The following UBE2F variants were observed in gnomAD, a reference collection of about 807,000 sequenced individuals.
The protein encoded by UBE2F is NEDD8-conjugating enzyme UBE2F.
UBE2F carries 5 observed loss-of-function variants against 29.6 expected under a neutral mutation model. The observed-to-expected ratio is 0.17, with a 90% CI of 0.09 to 0.36. The LOEUF is 0.36. Ranked by LOEUF, UBE2F falls within the 10% of genes least tolerant of loss-of-function variation. The pLI is 1.00. For synonymous variants in UBE2F, 66 were observed against 81.8 expected (o/e 0.81, Z 1.04); for missense variants, 141 against 228.5 (o/e 0.62, Z 2.47).
Position 237,967,743 on chromosome 2 carries a change from A to G in UBE2F, c.-17+611A>G, listed in dbSNP as rs1334033188. Among the ~76,000 whole-genome samples the G allele has an allele frequency of 6.6e-6, 1 of 152,126 alleles. No homozygotes were observed. Among genetic ancestry groups the G allele is most frequent in the African/African-American group, 2.4e-5 (1 of 41,416 alleles). On this transcript the variant is annotated intron_variant, in intron 1 of 9. Coordinates refer to ENST00000272930, the MANE Select transcript of UBE2F (RefSeq NM_080678.3). The surrounding 1 kb of genome is among the most constrained non-coding windows in gnomAD (Gnocchi z 6.3). ...GGGGGCGGCCAGGCTAGTTTGGAAA[A>G]TTTTTACCACAGCAAAGGAGACGAG...
chr2:238,014,074 G>C (rs2064100260), intron 4 of UBE2F, among the ~76,000 whole-genome samples: 1 of 152,170 alleles, frequency 6.6e-6, no homozygotes, highest in Non-Finnish European at 1.5e-5. Context: ...CCTTGGGCCA[G>C]GTACTCCCAG....
At position 238,035,935 on chromosome 2, in the gene UBE2F, G is replaced by A. The variant is rs2064698152; in HGVS notation, c.502G>A (p.Asp168Asn). 1.2e-6 allele frequency: 2 copies of A among 1,613,364 alleles called. No homozygotes were observed. Among genetic ancestry groups the A allele is most frequent in the Non-Finnish European group, 1.7e-6 (2 of 1,179,770 alleles). The change falls in exon 9 of 10, where the codon GAC (aspartate) becomes AAC (asparagine). Residue 168 changes from aspartate (D) to asparagine (N), a missense_variant. Asp to Asn is a conservative substitution (Grantham distance 23). Coordinates refer to ENST00000272930, the MANE Select transcript of UBE2F (RefSeq NM_080678.3). ...NIEAAEHHLR[D>N]KEDFRNKVDD... The stretch of plus-strand genomic sequence containing the variant: ...TGAAGCTGCAGAACATCATTTGCGG[G>A]ACAAGGTGAGCCAGTAACAGGCTTA...
Position 238,022,175 on chromosome 2 carries a change from C to CTTTTTTTTTTTTTTT in UBE2F, c.283-3156_283-3155insTTTTTTTTTTTTTTT, listed in dbSNP as rs1162304454. Among the ~76,000 whole-genome samples, 147 of 63,284 alleles carry CTTTTTTTTTTTTTTT rather than the reference C, an allele frequency of 2.3e-3. 7 individuals are homozygous for CTTTTTTTTTTTTTTT. The highest frequency in any genetic ancestry group is 5.9e-3 in the East Asian group (4 of 674). The allele number at this position is 63,284 out of a possible 152,430, so 41.5% of individuals were successfully genotyped here. A position where few individuals can be genotyped will look rare whatever the true frequency, so the allele number is the denominator to read the frequency against. ...ATTTCTTTTTCTTTTCTTTTCTTTT[C>CTTTTTTTTTTTTTTT]TTTTTTTTTTTGGAGACAGAGTCTT... On this transcript the variant is annotated intron_variant, in intron 5 of 9. Transcript: ENST00000272930.
intron 5 of UBE2F, 182 bp from the exon 6 acceptor site, chr2:238,025,160 C>A: frequency 1.6e-6 from 1 of 611,128 alleles, no homozygotes; most frequent in Non-Finnish European, 3.0e-6. Flanking sequence ...AGCGCATCAA[C>A]ACATGCCTCA....
At chr2:237,985,015 T>G (rs976252631) in intron 2 of UBE2F, among the ~76,000 whole-genome samples, 2 of 126,170 alleles carry the variant, frequency 1.6e-5, no homozygotes, top group East Asian at 2.3e-4. Flanking sequence ...AAAAAAAAAA[T>G]AGAGATGGTG....
chr2:237,992,751 T>A (rs1443794578), intron 3 of UBE2F, among the ~76,000 whole-genome samples: 3 of 152,302 alleles, frequency 2.0e-5, no homozygotes, highest in African/African-American at 7.2e-5. Context: ...GACCTTCTAC[T>A]TATGTCTCCT....
chr2:237,968,172 A>G (rs1412273338), intron 1 of UBE2F, among the ~76,000 whole-genome samples: 4 of 152,120 alleles, frequency 2.6e-5, no homozygotes, highest in Non-Finnish European at 4.4e-5. Flanking sequence ...GAGGAGTGAG[A>G]TGAAGGCAAG....
chr2:238,030,593 G>A lies in UBE2F; in HGVS notation c.391G>A (p.Ala131Thr). Reference sequence around the variant, plus strand: ...ACATTCAATTGATGGCACTGGCTGGGCTCCCACAAGAACATTAAAGGTAGA... The same window carrying A: ...ACATTCAATTGATGGCACTGGCTGGACTCCCACAAGAACATTAAAGGTAGA... ...REHSIDGTGW[A>T]PTRTLKDVVW... Residue 131 changes from alanine (A) to threonine (T), a missense_variant, in exon 7 of 10, where the codon GCT becomes ACT. Transcript: ENST00000272930. 2 of 1,613,540 alleles carry A rather than the reference G, an allele frequency of 1.2e-6. No homozygotes were observed. Among genetic ancestry groups the A allele is most frequent in the Non-Finnish European group, 1.7e-6 (2 of 1,179,636 alleles).
chr2:237,975,796 G>A (rs1355382582), intron 2 of UBE2F, among the ~76,000 whole-genome samples: 1 of 151,996 alleles, frequency 6.6e-6, no homozygotes, highest in African/African-American at 2.4e-5. Context: ...ACACTACCAC[G>A]CCCAGCCAAT....
At chr2:238,016,459 A>G (rs2064155478) in intron 4 of UBE2F, 107 bp from the exon 5 acceptor site, 1 of 941,040 alleles carries the variant, frequency 1.1e-6, no homozygotes, top group African/African-American at 1.7e-5. Flanking sequence ...CTGTTTTTAA[A>G]CTCCTGATTC....
At chr2:237,985,565 T>G (rs1407313761) in intron 2 of UBE2F, among the ~76,000 whole-genome samples, 1 of 152,278 alleles carries the variant, frequency 6.6e-6, no homozygotes, top group East Asian at 1.9e-4. Context: ...TTCCAACATA[T>G]ATACTGTGTG....
At chr2:238,039,802 A>G (rs2064800675) in intron 9 of UBE2F, among the ~76,000 whole-genome samples, 1 of 152,060 alleles carries the variant, frequency 6.6e-6, no homozygotes, top group Admixed American at 6.5e-5. Flanking sequence ...GTGAACAGGG[A>G]GACTAAGAGT....
At chr2:237,987,852 C>CATTT (rs59213280) in intron 2 of UBE2F, 111 bp from the exon 3 acceptor site, 6,673 of 518,352 alleles carry the variant, frequency 0.013, 187 homozygotes, top group East Asian at 0.018. Context: ...TCAGTTCATC[C>CATTT]TTTTTTTTTT....
intron 2 of UBE2F, chr2:237,986,175 C>G (rs1453484080): frequency 1.3e-5 from 5 of 380,444 alleles, no homozygotes. Flanking sequence ...GGGTCTCACT[C>G]TGTCACGTAG....
chr2:237,981,531 C>T (rs1273464810), intron 2 of UBE2F, among the ~76,000 whole-genome samples: 2 of 151,278 alleles, frequency 1.3e-5, no homozygotes, highest in Non-Finnish European at 2.9e-5. Flanking sequence ...GGTCCAGGAG[C>T]TCCCTCAGCC....
At chr2:238,041,177 AC>A in intron 9 of UBE2F, 110 bp from the exon 10 acceptor site, 1 of 1,049,730 alleles carries the variant, frequency 9.5e-7, no homozygotes, top group Non-Finnish European at 1.5e-6. Context: ...CACCTTGGCG[AC>A]CACAGGGGAC....
In UBE2F at chr2:237,990,133, A is replaced by T. The variant is rs565202982; in HGVS notation, c.148+2141A>T. Among the ~76,000 whole-genome samples, 16 of 126,940 alleles carry T rather than the reference A, an allele frequency of 1.3e-4. 1 individual carries two copies. The South Asian group carries it at 3.8e-3, about 30-fold the overall frequency. 83.3% of individuals were successfully genotyped at this position (126,940 alleles called of 152,430 possible). On this transcript the variant is annotated intron_variant, in intron 3 of 9. Transcript: ENST00000272930. ...TCTCAAAAAAAAAAAAAAAAAAAAA[A>T]GTTATCTTTCTACCCACTGAAGTAT...
chr2:237,971,560 A>G (rs1228234091), intron 1 of UBE2F, among the ~76,000 whole-genome samples: 1 of 152,120 alleles, frequency 6.6e-6, no homozygotes, highest in African/African-American at 2.4e-5. Flanking sequence ...CTGGCCTCAT[A>G]ATCCACCTGT....
At chr2:238,030,664 C>A in intron 7 of UBE2F, 51 bp downstream of exon 7, 1 of 1,401,930 alleles carries the variant, frequency 7.1e-7, no homozygotes, top group Non-Finnish European at 1.0e-6. Context: ...TGGTCCTCTC[C>A]CTGCAGTAGC....
Sources: gnomAD v4.1 joint callset for allele counts (sites outside exome capture counted in the v4.1 genomes callset) on GRCh38, gnomAD v4.1.1 for gene constraint, Gnocchi (gnomAD v3.1) non-coding constraint, MANE v1.5 for transcripts, NCBI Gene and HGNC (gene_info 2026-07-23, HGNC 2026-07-21) for gene names.